Variants in BCL2L13 observed in about 807,000 individuals in gnomAD.
BCL2L13 encodes the protein BCL2 like 13, also known as bcl-2-like protein 13.
In BCL2L13, 13 loss-of-function variants were observed where a neutral mutation model predicts 25.8. The observed-to-expected ratio is 0.50, with a 90% CI of 0.33 to 0.80. The LOEUF (loss-of-function observed/expected upper bound fraction) is 0.80, where lower values mean the gene tolerates loss of function less well. BCL2L13 is among the 30% of genes least tolerant of loss of function. BCL2L13 has a pLI of 0.02. For synonymous variants in BCL2L13, 244 were observed against 230.3 expected, an observed-to-expected ratio of 1.06 and a Z score of -0.54; for missense variants, 504 against 574.9, an observed-to-expected ratio of 0.88 and a Z score of 1.26.
intron 4 of BCL2L13, among the ~76,000 whole-genome samples, chr22:17,691,316 A>G (rs1326768068): frequency 2.0e-5 from 3 of 151,580 alleles, no homozygotes; most frequent in Non-Finnish European, 2.9e-5. Context: ...GACCAGGAGT[A>G]AAATAATGAA....
chr22:17,647,390 A>T (rs916403878), intron 1 of BCL2L13, among the ~76,000 whole-genome samples: 18 of 152,098 alleles, frequency 1.2e-4, no homozygotes, highest in African/African-American at 4.1e-4. Flanking sequence ...CAAAAGCTTT[A>T]GGTGATGGTC....
rs763484431 is a variant in BCL2L13 at position 17,727,027 on chromosome 22, G to A, written c.951G>A (p.Glu317=). 1.9e-6 allele frequency: 3 copies of A among 1,614,084 alleles called. No individual in the cohort carries two copies. The highest frequency in any genetic ancestry group is 2.2e-5 in the South Asian group (2 of 91,090). The change falls in exon 7 of 7, where the codon GAG becomes GAA. Residue 317 remains glutamate (E), a synonymous_variant. Coordinates refer to ENST00000317582, the MANE Select transcript of BCL2L13 (RefSeq NM_015367.4). ...ACGTGGAGAAAGAAGAGGTGCCCGAGGGCATGGAAGAGGCTGCTGTGGCTT... is the reference window on the plus strand; with the variant it reads ...ACGTGGAGAAAGAAGAGGTGCCCGAAGGCATGGAAGAGGCTGCTGTGGCTT... ...IVHVEKEEVP[E]GMEEAAVASV... is the part of the protein sequence containing the mutation.
chr22:17,653,054 G>C (rs1345224676), intron 1 of BCL2L13, among the ~76,000 whole-genome samples: 3 of 152,034 alleles, frequency 2.0e-5, no homozygotes, highest in Non-Finnish European at 4.4e-5. Context: ...GACAGAGTGA[G>C]ACTCAGTCTC....
chr22:17,706,705 T>G, intron 6 of BCL2L13: 1 of 1,351,430 alleles, frequency 7.4e-7, no homozygotes, highest in Non-Finnish European at 9.8e-7. Flanking sequence ...GTTCATGTGC[T>G]GTGATTCTCC....
intron 1 of BCL2L13, 137 bp from the exon 2 acceptor site, chr22:17,655,525 C>A: frequency 2.2e-6 from 1 of 463,770 alleles, no homozygotes; most frequent in Non-Finnish European, 3.4e-6. Flanking sequence ...GCTGAGATTG[C>A]GCCACTGCAC....
rs1222206925 is a variant in BCL2L13, at chr22:17,659,233, G to A, written c.121+3401G>A. On this transcript the variant is annotated intron_variant, in intron 2 of 6. Transcript: ENST00000317582. ...ACAAAAATTAGCTAGGTATGTTGGC[G>A]GATGCCTGTAGTCCCAGCTACTCTG... 4.8e-5 allele frequency among the ~76,000 whole-genome samples: 7 copies of A among 145,536 alleles called. 1 individual carries two copies. Among genetic ancestry groups the A allele is most frequent in the African/African-American group, 1.2e-4 (5 of 41,014 alleles).
intron 6 of BCL2L13, among the ~76,000 whole-genome samples, chr22:17,709,236 A>AAAAAC (rs1212732912): frequency 6.6e-6 from 1 of 151,540 alleles, no homozygotes; most frequent in African/African-American, 2.4e-5. Flanking sequence ...ACTCCATCTC[A>AAAAAC]AAAACAAAAC....
At chr22:17,645,888 A>T (rs1048722432) in intron 1 of BCL2L13, among the ~76,000 whole-genome samples, 2 of 151,436 alleles carry the variant, frequency 1.3e-5, no homozygotes, top group Non-Finnish European at 2.9e-5. Flanking sequence ...ATATTTAGGG[A>T]AAAAAACACA....
chr22:17,693,119 G>A (rs2060151216), intron 4 of BCL2L13, among the ~76,000 whole-genome samples: 1 of 151,800 alleles, frequency 6.6e-6, no homozygotes, highest in Non-Finnish European at 1.5e-5. Flanking sequence ...CTGCTTTCCG[G>A]CTATGTGGGT....
chr22:17,661,181 C>T lies in BCL2L13; in HGVS notation c.121+5349C>T, dbSNP rs1423808723. On this transcript the variant is annotated intron_variant, in intron 2 of 6. Coordinates refer to ENST00000317582, the MANE Select transcript of BCL2L13 (RefSeq NM_015367.4). ...GTTCTCAGCTCACTGCAACCTCTGC[C>T]TCCCGGGTTCAAGCAATTCTCCTGC... 1.4e-5 allele frequency among the ~76,000 whole-genome samples: 2 copies of T among 145,728 alleles called. 1 individual carries two copies. Among genetic ancestry groups the T allele is most frequent in the Non-Finnish European group, 3.1e-5 (2 of 64,054 alleles).
intron 1 of BCL2L13, among the ~76,000 whole-genome samples, chr22:17,650,847 A>G (rs1332200755): frequency 6.6e-6 from 1 of 151,852 alleles, no homozygotes; most frequent in Non-Finnish European, 1.5e-5. Flanking sequence ...AACTGGGACT[A>G]CAGGCATGTG....
intron 1 of BCL2L13, among the ~76,000 whole-genome samples, chr22:17,639,338 G>A (rs1429829793): frequency 2.0e-5 from 3 of 152,238 alleles, no homozygotes; most frequent in African/African-American, 7.2e-5. Flanking sequence ...CTCAGAGATT[G>A]TTAGAAGTCT....
upstream of BCL2L13, among the ~76,000 whole-genome samples, chr22:17,636,010 A>G (rs1257120797): frequency 2.0e-5 from 3 of 151,816 alleles, no homozygotes; most frequent in African/African-American, 7.3e-5. Context: ...CGCCCGGCCT[A>G]CAAAAACATC....
rs561913965 is a variant in BCL2L13, at chr22:17,665,364, A to G, written c.121+9532A>G. 9.8e-5 allele frequency among the ~76,000 whole-genome samples: 15 copies of G among 152,296 alleles called. No individual in the cohort carries two copies. In the East Asian group the frequency reaches 2.1e-3, roughly 22 times the overall value. The stretch of plus-strand genomic sequence containing the variant: ...TCAGCATTTTGGTCAAAACCATTCA[A>G]TAAGTCTCTAGGAAGTTCCAGACTC... On this transcript the variant is annotated intron_variant, in intron 2 of 6. Transcript: ENST00000317582.
intron 6 of BCL2L13, among the ~76,000 whole-genome samples, chr22:17,720,058 G>C (rs2061069005): frequency 6.6e-6 from 1 of 152,014 alleles, no homozygotes; most frequent in South Asian, 2.1e-4. Context: ...GTCTTTTTGG[G>C]ATGATGGAAA....
intron 6 of BCL2L13, among the ~76,000 whole-genome samples, chr22:17,704,308 CT>C (rs1331326670): frequency 6.6e-6 from 1 of 151,860 alleles, no homozygotes; most frequent in Admixed American, 6.6e-5. Flanking sequence ...TGGTCTCAAA[CT>C]CCTGGCCTCA....
Position 17,727,481 on chromosome 22 carries a change from G to C in BCL2L13, c.1405G>C (p.Val469Leu), listed in dbSNP as rs780610649. 1 of 1,614,256 alleles carries C rather than the reference G, an allele frequency of 6.2e-7. No individual in the cohort carries two copies. Among genetic ancestry groups the C allele is most frequent in the East Asian group, 2.2e-5 (1 of 44,882 alleles). ...ACTGCTGTTTGGAGGGGCTGCTGCT[G>C]TTGCCATCCTGGCAGTGGCCATCGG... ...SILLFGGAAA[V>L]AILAVAIGVA... is the part of the protein sequence containing the mutation. The change falls in exon 7 of 7, where the codon GTT (valine) becomes CTT (leucine). Residue 469 changes from valine (V) to leucine (L), a missense_variant. By Grantham distance (32) the Val-to-Leu change is conservative. Coordinates refer to ENST00000317582, the MANE Select transcript of BCL2L13 (RefSeq NM_015367.4).
chr22:17,686,447 A>G (rs2145603335), intron 3 of BCL2L13, among the ~76,000 whole-genome samples: 1 of 152,076 alleles, frequency 6.6e-6, no homozygotes, highest in East Asian at 1.9e-4. Context: ...GAGACCATTT[A>G]AAAAAAATGA....
intron 1 of BCL2L13, among the ~76,000 whole-genome samples, chr22:17,639,895 C>T (rs1446168733): frequency 6.7e-6 from 1 of 150,366 alleles, no homozygotes; most frequent in Non-Finnish European, 1.5e-5. Flanking sequence ...CCTCTTGTTG[C>T]CTAGGCTGGA....
Sources: gnomAD v4.1 joint callset for allele counts (sites outside exome capture counted in the v4.1 genomes callset) on GRCh38, gnomAD v4.1.1 for gene constraint, MANE v1.5 for transcripts, NCBI Gene and HGNC (gene_info 2026-07-23, HGNC 2026-07-21) for gene names.